Variants in RPRD1A observed in about 807,000 individuals in gnomAD.
RPRD1A encodes regulation of nuclear pre-mRNA domain-containing protein 1A.
Under a neutral mutation model 37.8 loss-of-function variants are expected in RPRD1A, and 9 were observed. The ratio of observed to expected loss-of-function variants is 0.24; its 90% CI spans 0.14 to 0.42. RPRD1A has a LOEUF of 0.42. Among genes scored for constraint, RPRD1A ranks in the 10% least tolerant of loss-of-function variants. The probability of loss-of-function intolerance (pLI) is 1.00; values close to 1 mark genes in which losing one functional copy is unlikely to be tolerated. For missense variants in RPRD1A, 255 were observed against 371.0 expected, an observed-to-expected ratio of 0.69 and a Z score of 2.57; for synonymous variants, 138 against 139.7, an observed-to-expected ratio of 0.99 and a Z score of 0.08.
intron 6 of RPRD1A, among the ~76,000 whole-genome samples, chr18:35,996,050 CT>C (rs1188436797): frequency 6.6e-6 from 1 of 152,082 alleles, no homozygotes. Context: ...GGATGGGATC[CT>C]GGAACAGAAA....
chr18:36,056,841 CTAAA>C (rs1041753574), intron 1 of RPRD1A, among the ~76,000 whole-genome samples: 17 of 151,842 alleles, frequency 1.1e-4, no homozygotes, highest in African/African-American at 4.1e-4. Flanking sequence ...AGCAAGGTGA[CTAAA>C]TAAATAATTC....
At chr18:36,037,572 A>T (rs1271603760) in intron 1 of RPRD1A, among the ~76,000 whole-genome samples, 1 of 152,236 alleles carries the variant, frequency 6.6e-6, no homozygotes, top group Non-Finnish European at 1.5e-5. Flanking sequence ...GGTACCAAGT[A>T]GTGGGGCACT....
chr18:36,008,579 A>ATG lies in RPRD1A; in HGVS notation c.790-15280_790-15279insCA, dbSNP rs1909950519. On this transcript the variant is annotated intron_variant, in intron 6 of 6. Transcript: ENST00000399022. Reference sequence around the variant, plus strand: ...CGACACAGCAAGACCTTGTGTGTGTATATATATATATCTTTAAAAATCTCT... The same window carrying ATG: ...CGACACAGCAAGACCTTGTGTGTGTATGTATATATATATCTTTAAAAATCTCT... Among the ~76,000 whole-genome samples, 3 of 21,634 alleles carry ATG rather than the reference A, an allele frequency of 1.4e-4. 1 individual carries two copies. The highest frequency in any genetic ancestry group is 4.3e-3 in the South Asian group (2 of 468). 14.2% of individuals were successfully genotyped at this position (21,634 alleles called of 152,430 possible).
At position 36,026,896 on chromosome 18, in the gene RPRD1A, G is replaced by T. The variant is rs369227797; in HGVS notation, c.789+4C>A. On this transcript the variant is annotated splice_donor_region_variant and intron_variant, in intron 6 of 6. Coordinates refer to ENST00000399022, the MANE Select transcript of RPRD1A (RefSeq NM_018170.5). ...AAGCACTAAAGAAGAAAAAGGTTAC[G>T]CACTTCCAATTTATGCTCTTTCTCT... 6.2e-7 allele frequency: 1 copy of T among 1,610,610 alleles called. No individual in the cohort carries two copies. The highest frequency in any genetic ancestry group is 1.1e-5 in the South Asian group (1 of 90,672).
chr18:36,057,656 T>C (rs1913889430), intron 1 of RPRD1A, among the ~76,000 whole-genome samples: 1 of 152,196 alleles, frequency 6.6e-6, no homozygotes, highest in African/African-American at 2.4e-5. Context: ...ATGTGTATTA[T>C]CCTGTCTACC....
intron 2 of RPRD1A, among the ~76,000 whole-genome samples, chr18:36,033,196 C>T (rs1418423219): frequency 2.1e-5 from 3 of 146,214 alleles, no homozygotes. Flanking sequence ...CAGCTACTTG[C>T]GAGGCTGAAG....
At position 35,998,084 on chromosome 18, in the gene RPRD1A, C is replaced by T. The variant is rs957588886; in HGVS notation, c.790-4784G>A. ...CAAAATAAACGTAACTAGGGCTGGGCGCAGTGGCTCACGCCTGTAATCCCA... is the reference window on the plus strand; with the variant it reads ...CAAAATAAACGTAACTAGGGCTGGGTGCAGTGGCTCACGCCTGTAATCCCA... On this transcript the variant is annotated intron_variant, in intron 6 of 6. Coordinates refer to ENST00000399022, the MANE Select transcript of RPRD1A (RefSeq NM_018170.5). Among the ~76,000 whole-genome samples, 10 of 152,352 alleles carry T rather than the reference C, an allele frequency of 6.6e-5. No individual in the cohort carries two copies. The East Asian group carries it at 1.9e-3, about 29-fold the overall frequency.
At chr18:36,030,477 C>T (rs1324695314) in intron 4 of RPRD1A, among the ~76,000 whole-genome samples, 2 of 150,206 alleles carry the variant, frequency 1.3e-5, no homozygotes, top group Admixed American at 6.6e-5. Flanking sequence ...AGTGAAACTC[C>T]GTCTCAAAAA....
At chr18:36,021,710 C>T (rs1911006821) in intron 6 of RPRD1A, among the ~76,000 whole-genome samples, 1 of 152,132 alleles carries the variant, frequency 6.6e-6, no homozygotes, top group Non-Finnish European at 1.5e-5. Flanking sequence ...CTAAAATCGC[C>T]ACTCCAGGCC....
chr18:36,043,488 A>G lies in RPRD1A; in HGVS notation c.152-9651T>C, dbSNP rs899468665. ...GCAAATTCCTGAGAAATTTTTGTGA[A>G]AAAAATAATTTTTAAACCTTCAATT... On this transcript the variant is annotated intron_variant, in intron 1 of 6. Coordinates refer to ENST00000399022, the MANE Select transcript of RPRD1A (RefSeq NM_018170.5). 2.0e-5 allele frequency among the ~76,000 whole-genome samples: 3 copies of G among 152,188 alleles called. No homozygotes were observed. The East Asian group carries it at 5.8e-4, about 29-fold the overall frequency.
At chr18:36,033,614 T>TA (rs1432243003) in intron 2 of RPRD1A, 94 bp downstream of exon 2, 10 of 1,025,350 alleles carry the variant, frequency 9.8e-6, no homozygotes, top group Non-Finnish European at 1.4e-5. Flanking sequence ...CTATATTCCC[T>TA]ACTTTTTATT....
At chr18:36,032,626 C>A (rs906345876) in intron 2 of RPRD1A, among the ~76,000 whole-genome samples, 57 of 152,298 alleles carry the variant, frequency 3.7e-4, no homozygotes, top group African/African-American at 1.4e-3. Flanking sequence ...ACTGAAAATA[C>A]ATTATGGTAA....
chr18:36,024,726 G>C (rs1188122926), intron 6 of RPRD1A, among the ~76,000 whole-genome samples: 1 of 152,124 alleles, frequency 6.6e-6, no homozygotes, highest in Non-Finnish European at 1.5e-5. Flanking sequence ...AAAATTACTT[G>C]ATAGTATCAC....
intron 6 of RPRD1A, among the ~76,000 whole-genome samples, chr18:35,997,443 A>G (rs1909141571): frequency 6.6e-6 from 1 of 152,170 alleles, no homozygotes; most frequent in African/African-American, 2.4e-5. Flanking sequence ...CCTTTCACAC[A>G]TGTGTATATA....
intron 6 of RPRD1A, among the ~76,000 whole-genome samples, chr18:35,996,284 G>A (rs1293823118): frequency 6.6e-6 from 1 of 151,568 alleles, no homozygotes; most frequent in Non-Finnish European, 1.5e-5. Context: ...TTTAAAGAAA[G>A]TCTGATGGAC....
intron 6 of RPRD1A, among the ~76,000 whole-genome samples, chr18:35,997,749 A>G (rs9960670): frequency 0.22 from 33,703 of 152,170 alleles, 3,776 homozygotes; most frequent in East Asian, 0.25. Context: ...CATAAAACTC[A>G]TAACTATTAA....
chr18:36,025,432 G>A, intron 6 of RPRD1A: 1 of 330,512 alleles, frequency 3.0e-6, no homozygotes, highest in Non-Finnish European at 5.8e-6. Context: ...GGGAAAAGGG[G>A]GTTGTGGGGA....
In RPRD1A at chr18:36,015,331, G is replaced by C. The variant is rs8090910; in HGVS notation, c.789+11569C>G. 2.6e-3 allele frequency among the ~76,000 whole-genome samples: 398 copies of C among 151,678 alleles called. 2 individuals carry two copies. The highest frequency in any genetic ancestry group is 9.3e-3 in the African/African-American group (385 of 41,330). On this transcript the variant is annotated intron_variant, in intron 6 of 6. Coordinates refer to ENST00000399022, the MANE Select transcript of RPRD1A (RefSeq NM_018170.5). The stretch of plus-strand genomic sequence containing the variant: ...GGGTTCAAGTGATTCTCCTGCCTCA[G>C]CCTCTCAAATAGCTGGGACTACAGG...
intron 1 of RPRD1A, among the ~76,000 whole-genome samples, chr18:36,034,303 A>G (rs1337527517): frequency 3.9e-5 from 6 of 152,212 alleles, no homozygotes; most frequent in Non-Finnish European, 7.3e-5. Flanking sequence ...TATGCAATAA[A>G]TATTTGCCAA....
Sources: gnomAD v4.1 joint callset for allele counts (sites outside exome capture counted in the v4.1 genomes callset) on GRCh38, gnomAD v4.1.1 for gene constraint, MANE v1.5 for transcripts, NCBI Gene and HGNC (gene_info 2026-07-23, HGNC 2026-07-21) for gene names.